The following TM7SF2 variants were observed in gnomAD, a reference collection of about 807,000 sequenced individuals.
TM7SF2 encodes delta(14)-sterol reductase TM7SF2.
TM7SF2 carries 51 observed loss-of-function variants against 51.0 expected under a neutral mutation model. The observed-to-expected ratio is 1.00, with a 90% CI of 0.80 to 1.26. The LOEUF (loss-of-function observed/expected upper bound fraction) is 1.26. Ranked by LOEUF, TM7SF2 falls within the 50% of genes most tolerant of loss-of-function variation. TM7SF2 has a pLI of 0.00. For missense variants in TM7SF2, 541 were observed against 547.4 expected (o/e 0.99, Z 0.12); for synonymous variants, 255 against 241.0 (o/e 1.06, Z -0.54).
At position 65,112,274 on chromosome 11, in the gene TM7SF2, G is replaced by C. The variant is rs535324999; in HGVS notation, c.52+207G>C. The C allele has an allele frequency of 3.4e-5, 22 of 653,696 alleles. No homozygotes were observed. The Admixed American group carries it at 6.4e-4, about 19-fold the overall frequency. The allele number at this position is 653,696 out of a possible 1,614,324, so 40.5% of individuals were successfully genotyped here. ...GGGGGCTGCAGAACGGGGATTTATG[G>C]TGTCGACTGGGAGCAGGAGGAGGGT... On this transcript the variant is annotated intron_variant, in intron 1 of 9. Transcript: ENST00000279263.
intron 9 of TM7SF2, 66 bp from the exon 10 acceptor site, chr11:65,115,827 G>C (rs1352406603): frequency 6.2e-6 from 10 of 1,611,694 alleles, no homozygotes; most frequent in Non-Finnish European, 7.6e-6. Context: ...CATGAGGTGT[G>C]GAAACGTTTG....
At position 65,115,355 on chromosome 11, in the gene TM7SF2, AAC is replaced by A; in HGVS notation, c.937_938del (p.Thr313PhefsTer7). On this transcript the variant is annotated frameshift_variant, in exon 8 of 10. Transcript: ENST00000279263. LOFTEE classifies it high-confidence loss of function. ...CTTCCGTGGGGCGAATTCCCAGAAAAACACTTTCCGAAAGAATCCTTCTGACC... is the reference window on the plus strand; with the variant it reads ...CTTCCGTGGGGCGAATTCCCAGAAAAACTTTCCGAAAGAATCCTTCTGACC... Reference protein sequence around the residue: ...YIFRGANSQKNTFRKNPSDPR... With the variant: ...YIFRGANSQKXTFRKNPSDPR... 6.2e-7 allele frequency: 1 copy of A among 1,614,084 alleles called. No homozygotes were observed. Among genetic ancestry groups the A allele is most frequent in the Admixed American group, 1.7e-5 (1 of 60,016 alleles).
chr11:65,115,470 C>A lies in TM7SF2; in HGVS notation c.974-6C>A, dbSNP rs1270638653. The A allele has an allele frequency of 6.2e-7, 1 of 1,614,004 alleles. No homozygotes were observed. The highest frequency in any genetic ancestry group is 8.5e-7 in the Non-Finnish European group (1 of 1,180,014). On this transcript the variant is annotated splice_polypyrimidine_tract_variant and splice_region_variant and intron_variant, in intron 8 of 9. Transcript: ENST00000279263. ...GGGAACTCTCCACCCTGCTGTCTTT[C>A]CCCAGGGCTTGAGACCATCTCTACA...
rs571392774 is a variant in TM7SF2, at chr11:65,115,698, CAG to C, written c.1096+105_1096+106del. ...TTGGGTATGCACCAGTGAGAGTAGT[CAG>C]AGAGCTGGGGGTGGACCCAGTGTGT... On this transcript the variant is annotated intron_variant, in intron 9 of 9. Coordinates refer to ENST00000279263, the MANE Select transcript of TM7SF2 (RefSeq NM_003273.6). The C allele has an allele frequency of 3.2e-5, 52 of 1,602,352 alleles. No homozygotes were observed. The East Asian group carries it at 4.9e-4, about 15-fold the overall frequency.
Position 65,114,773 on chromosome 11 carries a change from G to A in TM7SF2, c.664G>A (p.Ala222Thr), listed in dbSNP as rs1947954232. ...AGAGCTTCGAGGCAGTCCCTCACTG[G>A]CCATGTGGCTGGTCAATGGCTTCCA... ...EAELRGSPSL[A>T]MWLVNGFQLL... The change falls in exon 6 of 10, where the codon GCC (alanine) becomes ACC (threonine). Residue 222 changes from alanine to threonine, a missense_variant. Physicochemically the swap from Ala to Thr is moderately conservative, Grantham distance 58 (BLOSUM62 0). Transcript: ENST00000279263. 3 of 1,614,112 alleles carry A rather than the reference G, an allele frequency of 1.9e-6. No homozygotes were observed. Among genetic ancestry groups the A allele is most frequent in the African/African-American group, 2.7e-5 (2 of 74,932 alleles).
At position 65,115,135 on chromosome 11, in the gene TM7SF2, T is replaced by C; in HGVS notation, c.892+54T>C. ...CCCATCTTCCCCCTATCCCTTTGATTCATGCTCTGTTTACACGCACCACCA... is the reference window on the plus strand; with the variant it reads ...CCCATCTTCCCCCTATCCCTTTGATCCATGCTCTGTTTACACGCACCACCA... On this transcript the variant is annotated intron_variant, in intron 7 of 9. Transcript: ENST00000279263. 3 of 1,603,394 alleles carry C rather than the reference T, an allele frequency of 1.9e-6. No homozygotes were observed. In the South Asian group the frequency reaches 3.3e-5, roughly 18 times the overall value.
intron 5 of TM7SF2, 120 bp from the exon 6 acceptor site, chr11:65,114,593 G>T: frequency 7.9e-7 from 1 of 1,264,174 alleles, no homozygotes; most frequent in Non-Finnish European, 1.1e-6. Flanking sequence ...CTTGGGTCTA[G>T]GGCCTGGATC....
rs768077110 is a variant in TM7SF2 at position 65,115,314 on chromosome 11, C to A, written c.893C>A (p.Ala298Asp). ...PMASVICLINATGYYIFRGAN... is the reference protein window; with the variant it reads ...PMASVICLINDTGYYIFRGAN... ...CCACCGGTTCACACTCTCTCACCAG[C>A]TACTGGTTACTACATCTTCCGTGGG... Residue 298 changes from alanine (A) to aspartate (D), a missense_variant and splice_region_variant, in exon 8 of 10, where the codon GCT (alanine) becomes GAT (aspartate). Coordinates refer to ENST00000279263, the MANE Select transcript of TM7SF2 (RefSeq NM_003273.6). 6 of 1,613,980 alleles carry A rather than the reference C, an allele frequency of 3.7e-6. No homozygotes were observed. Among genetic ancestry groups the A allele is most frequent in the Non-Finnish European group, 5.1e-6 (6 of 1,179,940 alleles).
chr11:65,114,637 A>T, intron 5 of TM7SF2, 76 bp from the exon 6 acceptor site: 1 of 1,521,086 alleles, frequency 6.6e-7, no homozygotes, highest in Non-Finnish European at 8.9e-7. Flanking sequence ...GACAGTTGAG[A>T]AGGGCAGAGG....
chr11:65,115,470 C>T lies in TM7SF2; in HGVS notation c.974-6C>T, dbSNP rs1270638653. 3.1e-6 allele frequency: 5 copies of T among 1,614,122 alleles called. No individual in the cohort carries two copies. The highest frequency in any genetic ancestry group is 2.2e-5 in the South Asian group (2 of 91,072). ...GGGAACTCTCCACCCTGCTGTCTTT[C>T]CCCAGGGCTTGAGACCATCTCTACA... On this transcript the variant is annotated splice_polypyrimidine_tract_variant and splice_region_variant and intron_variant, in intron 8 of 9. Coordinates refer to ENST00000279263, the MANE Select transcript of TM7SF2 (RefSeq NM_003273.6).
chr11:65,115,439 C>T, intron 8 of TM7SF2, 37 bp from the exon 9 acceptor site: 2 of 1,614,152 alleles, frequency 1.2e-6, no homozygotes, highest in Non-Finnish European at 1.7e-6. Context: ...GGCAGCTGGG[C>T]TTCCTGGGAA....
chr11:65,116,038 G>A lies in TM7SF2; in HGVS notation c.1242G>A (p.Met414Ile). ...GCCGGCGTGTGCCTTACCGCATCAT[G>A]CCCTACATCTACTGAAGCGGCTCCA... is the stretch of plus-strand genomic sequence containing the variant. ...EYCRRVPYRIMPYIY is the reference protein window; with the variant it reads ...EYCRRVPYRIIPYIY The change falls in exon 10 of 10, where the codon ATG becomes ATA. Residue 414 changes from methionine (M) to isoleucine (I), a missense_variant. Met to Ile is a conservative substitution (Grantham distance 10, BLOSUM62 1). Transcript: ENST00000279263. The A allele has an allele frequency of 6.2e-7, 1 of 1,608,216 alleles. No individual in the cohort carries two copies.
chr11:65,116,017 G>C lies in TM7SF2; in HGVS notation c.1221G>C (p.Arg407=), dbSNP rs576235129. The change falls in exon 10 of 10, where the codon CGG becomes CGC. Residue 407 remains arginine (R), a synonymous_variant. Transcript: ENST00000279263. ...KYGLAWQEYC[R]RVPYRIMPYI... is the part of the protein sequence containing the mutation. ...GCCTGGCCTGGCAGGAGTACTGCCG[G>C]CGTGTGCCTTACCGCATCATGCCCT... 1.9e-6 allele frequency: 3 copies of C among 1,611,400 alleles called. No individual in the cohort carries two copies. Among genetic ancestry groups the C allele is most frequent in the African/African-American group, 2.7e-5 (2 of 75,030 alleles).
At chr11:65,114,361 C>A (rs1012093432) in intron 5 of TM7SF2, among the ~76,000 whole-genome samples, 1 of 152,188 alleles carries the variant, frequency 6.6e-6, no homozygotes, top group South Asian at 2.1e-4. Context: ...GCTTCAAACA[C>A]GATGATGCCA....
chr11:65,112,767 G>A (rs1356951212), intron 2 of TM7SF2, 44 bp from the exon 3 acceptor site: 16 of 1,549,572 alleles, frequency 1.0e-5, no homozygotes, highest in African/African-American at 1.4e-5. Flanking sequence ...CTCGGCGAGG[G>A]AAAGGACGCC....
chr11:65,113,359 C>T lies in TM7SF2; in HGVS notation c.444C>T (p.Leu148=). The part of the protein sequence containing the change: ...TLTAFIFSLF[L]YMKAQVAPVS... The stretch of plus-strand genomic sequence containing the variant: ...CCGCTTTCATCTTCAGCCTCTTTCT[C>T]TACATGAAGGCGCAGGTAGCCCCAG... Residue 148 remains leucine, a synonymous_variant, in exon 4 of 10, where the codon CTC becomes CTT. Coordinates refer to ENST00000279263, the MANE Select transcript of TM7SF2 (RefSeq NM_003273.6). 7 of 1,614,124 alleles carry T rather than the reference C, an allele frequency of 4.3e-6. No homozygotes were observed. Among genetic ancestry groups the T allele is most frequent in the Non-Finnish European group, 5.9e-6 (7 of 1,180,036 alleles).
intron 5 of TM7SF2, 196 bp downstream of exon 5, chr11:65,113,790 C>T (rs1211345249): frequency 3.3e-6 from 2 of 604,938 alleles, no homozygotes; most frequent in Non-Finnish European, 5.9e-6. Flanking sequence ...AGCATCTTTG[C>T]TGCAGAGAGC....
intron 1 of TM7SF2, 98 bp downstream of exon 1, chr11:65,112,165 C>A: frequency 7.8e-7 from 1 of 1,287,374 alleles, no homozygotes; most frequent in Non-Finnish European, 1.1e-6. Flanking sequence ...GGATGGAAGG[C>A]TTTGGGGGTG....
At chr11:65,112,394 G>C in intron 1 of TM7SF2, 121 bp from the exon 2 acceptor site, 1 of 1,127,800 alleles carries the variant, frequency 8.9e-7, no homozygotes, top group South Asian at 1.7e-5. Flanking sequence ...TGAGGACGGG[G>C]TGCGGAGGCG....
Sources: gnomAD v4.1 joint callset for allele counts (sites outside exome capture counted in the v4.1 genomes callset) on GRCh38, gnomAD v4.1.1 for gene constraint, MANE v1.5 for transcripts, NCBI Gene and HGNC (gene_info 2026-07-23, HGNC 2026-07-21) for gene names.